Variants in VEPH1 observed in about 807,000 individuals in gnomAD.
VEPH1 encodes ventricular zone expressed PH domain containing 1, also known as ventricular zone-expressed PH domain-containing protein homolog 1.
VEPH1 carries 80 observed loss-of-function variants against 85.2 expected under a neutral mutation model. That is an observed-to-expected ratio of 0.94 (90% confidence interval 0.78 to 1.13). VEPH1 has a LOEUF of 1.13. Among genes scored for constraint, VEPH1 ranks in the 50% most tolerant of loss-of-function variants. The pLI is 0.00. For missense variants in VEPH1, 955 were observed against 980.5 expected (o/e 0.97, Z 0.35); for synonymous variants, 297 against 348.0 (o/e 0.85, Z 1.63).
intron 7 of VEPH1, among the ~76,000 whole-genome samples, chr3:157,369,192 A>AAAAAACAAAAAAAAAAAAAC (rs1727170811): frequency 1.5e-4 from 22 of 142,780 alleles, no homozygotes; most frequent in African/African-American, 5.5e-4. Context: ...AAAAAAAAAA[A>AAAAAACAAAAAAAAAAAAAC]AAAAAAAAAA....
chr3:157,376,407 G>A (rs1038037889), intron 7 of VEPH1, among the ~76,000 whole-genome samples: 5 of 152,148 alleles, frequency 3.3e-5, no homozygotes, highest in African/African-American at 1.2e-4. Flanking sequence ...GCTTCAACTG[G>A]GCCCTGGCAG....
intron 9 of VEPH1, among the ~76,000 whole-genome samples, chr3:157,358,078 C>G (rs1345532089): frequency 3.3e-5 from 5 of 152,142 alleles, no homozygotes; most frequent in Admixed American, 3.3e-4. Flanking sequence ...AGAGTCTTTT[C>G]AAAAGGATTT....
At chr3:157,473,212 A>G (rs1185167875) in intron 2 of VEPH1, among the ~76,000 whole-genome samples, 4 of 151,374 alleles carry the variant, frequency 2.6e-5, no homozygotes, top group African/African-American at 9.7e-5. Context: ...AGCTGGGACT[A>G]TAGGAGCATG....
At chr3:157,352,863 T>C (rs1219625021) in intron 9 of VEPH1, among the ~76,000 whole-genome samples, 1 of 152,192 alleles carries the variant, frequency 6.6e-6, no homozygotes, top group African/African-American at 2.4e-5. Context: ...TAAACATTCT[T>C]CAGGAAGGCT....
intron 6 of VEPH1, among the ~76,000 whole-genome samples, chr3:157,386,278 G>T (rs1729291492): frequency 2.3e-5 from 2 of 88,888 alleles, no homozygotes; most frequent in Non-Finnish European, 4.3e-5. Context: ...AAAAAAAGTG[G>T]TTAGTTTGGC....
chr3:157,469,005 T>C (rs1736663840), intron 3 of VEPH1, among the ~76,000 whole-genome samples: 1 of 152,122 alleles, frequency 6.6e-6, no homozygotes, highest in Non-Finnish European at 1.5e-5. Context: ...CAGGGGGAGA[T>C]GGATAGGATG....
At chr3:157,437,541 C>T in intron 4 of VEPH1, 1 of 1,606,274 alleles carries the variant, frequency 6.2e-7, no homozygotes, top group Non-Finnish European at 8.5e-7. Context: ...GTCAGGAGCA[C>T]TCGGAATGGG....
intron 2 of VEPH1, among the ~76,000 whole-genome samples, chr3:157,482,791 G>T (rs1230106165): frequency 6.6e-6 from 1 of 152,072 alleles, no homozygotes; most frequent in Non-Finnish European, 1.5e-5. Context: ...CTCTCATCTT[G>T]AATGTTACTA....
At chr3:157,494,517 T>C (rs1348345521) in intron 2 of VEPH1, among the ~76,000 whole-genome samples, 5 of 152,118 alleles carry the variant, frequency 3.3e-5, no homozygotes, top group Non-Finnish European at 5.9e-5. Flanking sequence ...ATATATAATC[T>C]TGACATTGAA....
At chr3:157,472,914 CA>C (rs1737097908) in intron 2 of VEPH1, among the ~76,000 whole-genome samples, 1 of 151,822 alleles carries the variant, frequency 6.6e-6, no homozygotes, top group Non-Finnish European at 1.5e-5. Context: ...TCCAGTGTAC[CA>C]TTGATGGGCA....
chr3:157,450,042 T>C (rs563415202), intron 4 of VEPH1, among the ~76,000 whole-genome samples: 1 of 143,466 alleles, frequency 7.0e-6, no homozygotes, highest in African/African-American at 2.6e-5. Context: ...GACTGGAGAA[T>C]ATTTACTTTT....
At chr3:157,369,505 G>T (rs1727243544) in intron 7 of VEPH1, among the ~76,000 whole-genome samples, 1 of 152,210 alleles carries the variant, frequency 6.6e-6, no homozygotes. Flanking sequence ...GAGCACAGAA[G>T]TCAGTGGACT....
chr3:157,470,057 A>G (rs1386434490), intron 3 of VEPH1, among the ~76,000 whole-genome samples: 1 of 151,990 alleles, frequency 6.6e-6, no homozygotes, highest in Non-Finnish European at 1.5e-5. Context: ...AACTTTTTAT[A>G]TGTATACTCT....
intron 11 of VEPH1, among the ~76,000 whole-genome samples, chr3:157,304,047 A>T (rs1719198279): frequency 6.9e-6 from 1 of 144,014 alleles, no homozygotes; most frequent in African/African-American, 2.5e-5. Flanking sequence ...ATACACACAT[A>T]CTGTTACATC....
intron 4 of VEPH1, among the ~76,000 whole-genome samples, chr3:157,458,689 T>C (rs1203549737): frequency 6.6e-6 from 1 of 152,218 alleles, no homozygotes; most frequent in Non-Finnish European, 1.5e-5. Flanking sequence ...TAGCCATAAA[T>C]TTATTGCCAA....
At chr3:157,315,558 G>A (rs1720657622) in intron 10 of VEPH1, among the ~76,000 whole-genome samples, 1 of 152,062 alleles carries the variant, frequency 6.6e-6, no homozygotes. Flanking sequence ...TAGTCAGGTT[G>A]TAATTATTAA....
chr3:157,428,490 T>C lies in VEPH1; in HGVS notation c.530-2A>G, dbSNP rs1227207533. ...ACACTCTCAACAACATGGTGTTACC[T>C]GTTGAGGGAACAATAAAGGGAATGA... is the stretch of plus-strand genomic sequence containing the variant. On this transcript the variant is annotated splice_acceptor_variant, in intron 4 of 13. Transcript: ENST00000362010. LOFTEE classifies it high-confidence loss of function. The C allele has an allele frequency of 6.2e-7, 1 of 1,613,034 alleles. No individual in the cohort carries two copies. Among genetic ancestry groups the C allele is most frequent in the Non-Finnish European group, 8.5e-7 (1 of 1,179,718 alleles).
chr3:157,297,351 A>G (rs907570990), intron 11 of VEPH1, among the ~76,000 whole-genome samples: 39 of 152,302 alleles, frequency 2.6e-4, no homozygotes, highest in African/African-American at 8.7e-4. Context: ...GCTGGATTTA[A>G]TGAGATGCAA....
chr3:157,333,077 A>C (rs1372806667), intron 9 of VEPH1, among the ~76,000 whole-genome samples: 1 of 152,220 alleles, frequency 6.6e-6, no homozygotes, highest in Admixed American at 6.5e-5. Flanking sequence ...ATTGATTTCA[A>C]TGTTGTTTCT....
Sources: gnomAD v4.1 joint callset for allele counts (sites outside exome capture counted in the v4.1 genomes callset) on GRCh38, gnomAD v4.1.1 for gene constraint, MANE v1.5 for transcripts, NCBI Gene and HGNC (gene_info 2026-07-23, HGNC 2026-07-21) for gene names.